NBAS: variants seen among roughly 807,000 people sequenced by gnomAD.
NBAS encodes the protein NAG/BC035112 fusion.
A neutral mutation model predicts 302.5 loss-of-function variants in NBAS; 219 were observed. The ratio of observed to expected loss-of-function variants is 0.72; its 90% confidence interval spans 0.65 to 0.81. NBAS has a LOEUF of 0.81. NBAS is among the 30% of genes least tolerant of loss of function. The pLI, the probability that NBAS is intolerant of heterozygous loss-of-function variation, is 0.00. For synonymous variants in NBAS, 1,118 were observed against 1,021.6 expected (o/e 1.09, Z -1.80); for missense variants, 2,932 against 2,841.6 (o/e 1.03, Z -0.72).
chr2:15,057,320 A>AAAAAAC, the NBAS span, among the ~76,000 whole-genome samples: 1 of 151,804 alleles, frequency 6.6e-6, no homozygotes, highest in Non-Finnish European at 1.5e-5. Flanking sequence ...ATTTGAAAAA[A>AAAAAAC]AAAAAAACTG....
At chr2:15,029,707 C>G in the NBAS span, among the ~76,000 whole-genome samples, 1 of 152,138 alleles carries the variant, frequency 6.6e-6, no homozygotes, top group Non-Finnish European at 1.5e-5. Flanking sequence ...GATGAGGAAG[C>G]CCAGAGAGGG....
At chr2:15,387,168 C>T (rs1260423279) in intron 28 of NBAS, among the ~76,000 whole-genome samples, 5 of 151,250 alleles carry the variant, frequency 3.3e-5, no homozygotes, top group East Asian at 2.0e-4. Flanking sequence ...CCCGGGTTCA[C>T]GCCATTCTCC....
chr2:15,114,859 G>A, the NBAS span, among the ~76,000 whole-genome samples: 1 of 152,138 alleles, frequency 6.6e-6, no homozygotes, highest in African/African-American at 2.4e-5. Flanking sequence ...AAACAAATAG[G>A]AAGATAAACA....
chr2:15,378,231 T>C (rs1471880157), intron 30 of NBAS, among the ~76,000 whole-genome samples: 1 of 152,076 alleles, frequency 6.6e-6, no homozygotes, highest in East Asian at 1.9e-4. Context: ...TAGAAATGAA[T>C]GAGGATCAAC....
At chr2:15,205,520 C>T (rs1360505885) in intron 48 of NBAS, among the ~76,000 whole-genome samples, 3 of 151,590 alleles carry the variant, frequency 2.0e-5, no homozygotes, top group Non-Finnish European at 4.4e-5. Flanking sequence ...CAGAAACATG[C>T]TTCACCTATA....
At chr2:15,536,634 T>G in intron 7 of NBAS, 83 bp from the exon 8 acceptor site, 1 of 1,171,496 alleles carries the variant, frequency 8.5e-7, no homozygotes, top group Non-Finnish European at 1.2e-6. Context: ...GAATATCTGA[T>G]ACACTGGCTT....
At chr2:14,995,726 C>T in the NBAS span, among the ~76,000 whole-genome samples, 2 of 152,142 alleles carry the variant, frequency 1.3e-5, no homozygotes, top group Non-Finnish European at 1.5e-5. Flanking sequence ...AAAGAACTTC[C>T]CCCTTTTTTG....
chr2:15,286,213 A>G (rs1297306198), intron 42 of NBAS, among the ~76,000 whole-genome samples: 3 of 152,128 alleles, frequency 2.0e-5, no homozygotes, highest in Non-Finnish European at 4.4e-5. Flanking sequence ...TCCCTTCTCC[A>G]AGCAATGGTC....
rs779150070 is a variant in NBAS, at chr2:15,511,346, A to G, written c.751T>C (p.Leu251=). The change falls in exon 10 of 52, where the codon TTA becomes CTA. Residue 251 remains leucine (L), a synonymous_variant. Transcript: ENST00000281513. ...GCAGTTTCACATCCACCAACAAGTA[A>G]AAGTCTAAAAAGGAGAAAATTTTTA... The part of the protein sequence containing the change: ...TAIYHPGHRL[L]LVGGCETAEV... 1 of 1,613,880 alleles carries G rather than the reference A, an allele frequency of 6.2e-7. No homozygotes were observed. The highest frequency in any genetic ancestry group is 2.2e-5 in the East Asian group (1 of 44,852).
At chr2:15,439,803 G>C (rs774625203) in intron 21 of NBAS, among the ~76,000 whole-genome samples, 10 of 152,312 alleles carry the variant, frequency 6.6e-5, no homozygotes, top group African/African-American at 2.4e-4. Flanking sequence ...ACTCCCACAC[G>C]AATACTGCGC....
the NBAS span, among the ~76,000 whole-genome samples, chr2:14,989,322 T>TA: frequency 3.3e-5 from 5 of 151,902 alleles, no homozygotes; most frequent in East Asian, 9.7e-4. Context: ...TGTGTGTGTA[T>TA]AACTTTATAT....
chr2:15,102,976 G>GAA, the NBAS span, among the ~76,000 whole-genome samples: 2 of 131,156 alleles, frequency 1.5e-5, no homozygotes, highest in South Asian at 5.8e-4. Context: ...GAGGCATTAA[G>GAA]GAGGAAGGAA....
intron 31 of NBAS, 35 bp downstream of exon 31, chr2:15,374,573 G>A: frequency 6.5e-7 from 1 of 1,528,982 alleles, no homozygotes; most frequent in African/African-American, 1.4e-5. Context: ...TGCAATATAA[G>A]TTAGTAACAA....
chr2:14,985,295 C>T, the NBAS span, among the ~76,000 whole-genome samples: 14 of 152,208 alleles, frequency 9.2e-5, no homozygotes, highest in African/African-American at 3.4e-4. Context: ...ATCCAGGAAA[C>T]ACTGTCAGTC....
the NBAS span, among the ~76,000 whole-genome samples, chr2:14,785,155 T>G: frequency 6.6e-6 from 1 of 152,222 alleles, no homozygotes; most frequent in Admixed American, 6.5e-5. Flanking sequence ...CTTGTGATTT[T>G]TGTACATTGA....
intron 25 of NBAS, among the ~76,000 whole-genome samples, chr2:15,403,438 GTGTC>G (rs1393623680): frequency 6.6e-6 from 1 of 152,112 alleles, no homozygotes; most frequent in Non-Finnish European, 1.5e-5. Flanking sequence ...GGGGGAAAAA[GTGTC>G]TGTACTGAAC....
chr2:15,259,939 A>G (rs960378549), intron 44 of NBAS, among the ~76,000 whole-genome samples: 21 of 107,410 alleles, frequency 2.0e-4, no homozygotes, highest in Non-Finnish European at 3.2e-4. Context: ...TACTGCCTTT[A>G]AAAAGTATCT....
At chr2:14,946,115 G>C in the NBAS span, among the ~76,000 whole-genome samples, 1 of 152,112 alleles carries the variant, frequency 6.6e-6, no homozygotes, top group Non-Finnish European at 1.5e-5. Flanking sequence ...AAGAATTACT[G>C]GTGTTGAAGA....
At chr2:15,463,801 A>AAAAG (rs1190797257) in intron 19 of NBAS, among the ~76,000 whole-genome samples, 1 of 151,782 alleles carries the variant, frequency 6.6e-6, no homozygotes, top group Non-Finnish European at 1.5e-5. Flanking sequence ...AAAAAAAAAA[A>AAAAG]AAAAGCACCA....
Sources: allele counts gnomAD v4.1 joint callset (sites outside exome capture counted in the v4.1 genomes callset), GRCh38; gene constraint gnomAD v4.1.1; transcripts MANE v1.5; gene names NCBI Gene and HGNC (gene_info 2026-07-23, HGNC 2026-07-21).